The following PCSK6 variants were observed in gnomAD, a reference collection of about 807,000 sequenced individuals.
The protein encoded by PCSK6 is paired basic amino acid cleaving enzyme 4.
Under a neutral mutation model 123.3 loss-of-function variants are expected in PCSK6, and 85 were observed. The observed-to-expected ratio is 0.69, with a 90% CI of 0.58 to 0.83. The LOEUF (loss-of-function observed/expected upper bound fraction) is 0.83, where lower values mean the gene tolerates loss of function less well. Among genes scored for constraint, PCSK6 ranks in the 40% least tolerant of loss-of-function variants. The probability of loss-of-function intolerance (pLI) is 0.00; values close to 1 mark genes in which losing one functional copy is unlikely to be tolerated. For missense variants in PCSK6, 1,191 were observed against 1,282.3 expected, an observed-to-expected ratio of 0.93 and a Z score of 1.09; for synonymous variants, 508 against 516.0, an observed-to-expected ratio of 0.98 and a Z score of 0.21.
intron 1 of PCSK6, among the ~76,000 whole-genome samples, chr15:101,484,742 A>C (rs958560653): frequency 1.2e-4 from 18 of 152,220 alleles, no homozygotes; most frequent in African/African-American, 3.9e-4. Context: ...TTGGACACCT[A>C]CAATTTGCCT....
intron 11 of PCSK6, among the ~76,000 whole-genome samples, chr15:101,379,388 C>T (rs138743168): frequency 2.3e-4 from 35 of 152,336 alleles, no homozygotes; most frequent in East Asian, 1.5e-3. Flanking sequence ...AGAGGACTCC[C>T]GTGCTTAACA....
chr15:101,392,652 C>A (rs1028936420), intron 8 of PCSK6, among the ~76,000 whole-genome samples: 15 of 139,356 alleles, frequency 1.1e-4, no homozygotes, highest in African/African-American at 3.8e-4. Flanking sequence ...ACAAATTCTA[C>A]CTGAGTACTA....
intron 6 of PCSK6, among the ~76,000 whole-genome samples, chr15:101,419,788 G>C (rs937267360): frequency 2.0e-5 from 3 of 152,058 alleles, no homozygotes; most frequent in Non-Finnish European, 2.9e-5. Context: ...TCCATATGGG[G>C]ATCTAGGATG....
intron 6 of PCSK6, among the ~76,000 whole-genome samples, chr15:101,409,314 A>G (rs1457376629): frequency 2.9e-5 from 4 of 136,264 alleles, no homozygotes; most frequent in East Asian, 2.1e-4. Flanking sequence ...GGCCAGGCGC[A>G]GTGGCTCACG....
At chr15:101,408,045 G>A (rs959455501) in intron 6 of PCSK6, among the ~76,000 whole-genome samples, 1 of 152,206 alleles carries the variant, frequency 6.6e-6, no homozygotes, top group Admixed American at 6.5e-5. Flanking sequence ...GAACAGAAGT[G>A]CATGGCCCAG....
intron 1 of PCSK6, among the ~76,000 whole-genome samples, chr15:101,469,906 T>C (rs2057562591): frequency 6.6e-6 from 1 of 152,242 alleles, no homozygotes; most frequent in Non-Finnish European, 1.5e-5. Flanking sequence ...CTCCAAGGCC[T>C]GACGCTGGAA....
intron 14 of PCSK6, 21 bp from the exon 15 acceptor site, chr15:101,331,710 A>T: frequency 6.2e-7 from 1 of 1,601,720 alleles, no homozygotes; most frequent in Non-Finnish European, 8.5e-7. Flanking sequence ...GCAAATTGCC[A>T]TGATTATTAT....
intron 11 of PCSK6, among the ~76,000 whole-genome samples, chr15:101,376,646 A>G (rs2041751998): frequency 1.3e-5 from 2 of 152,186 alleles, no homozygotes; most frequent in Admixed American, 1.3e-4. Flanking sequence ...TCCAAATCCT[A>G]ATTTTAGAAA....
intron 13 of PCSK6, among the ~76,000 whole-genome samples, chr15:101,363,633 A>G (rs970886849): frequency 1.4e-5 from 2 of 143,548 alleles, no homozygotes; most frequent in African/African-American, 5.6e-5. Flanking sequence ...TTGTTATAAC[A>G]CTTTTTTTTT....
At chr15:101,330,165 C>T (rs569701215) in intron 15 of PCSK6, among the ~76,000 whole-genome samples, 3 of 152,356 alleles carry the variant, frequency 2.0e-5, no homozygotes, top group South Asian at 2.1e-4. Flanking sequence ...TTGTGCCCCA[C>T]GCTGCCCACT....
intron 7 of PCSK6, among the ~76,000 whole-genome samples, chr15:101,394,875 C>T (rs2042357874): frequency 6.6e-6 from 1 of 152,202 alleles, no homozygotes; most frequent in South Asian, 2.1e-4. Flanking sequence ...GCTGCCGCGT[C>T]CACTCTGCTT....
chr15:101,307,255 G>C lies in PCSK6; in HGVS notation c.2770C>G (p.Gln924Glu). Residue 924 changes from glutamine (Q) to glutamate (E), a missense_variant, in exon 21 of 22, where the codon CAG becomes GAG. Transcript: ENST00000611716. ...NCSRCKTGFT[Q>E]LGTSCITNHT... The stretch of plus-strand genomic sequence containing the variant: ...TTGGTGATGCAGGAGGTCCCCAGCT[G>C]TGTGAAGCCCGTCTTACACCTGCTA... 1 of 1,613,828 alleles carries C rather than the reference G, an allele frequency of 6.2e-7. No individual in the cohort carries two copies. Among genetic ancestry groups the C allele is most frequent in the Admixed American group, 1.7e-5 (1 of 60,018 alleles).
chr15:101,375,853 G>A (rs908241576), intron 11 of PCSK6, among the ~76,000 whole-genome samples: 2 of 152,122 alleles, frequency 1.3e-5, no homozygotes, highest in African/African-American at 4.8e-5. Flanking sequence ...TGGCCAACAT[G>A]GTGAAAGCCC....
intron 1 of PCSK6, among the ~76,000 whole-genome samples, chr15:101,482,057 C>T (rs940591115): frequency 3.3e-5 from 5 of 152,236 alleles, no homozygotes; most frequent in Admixed American, 6.5e-5. Flanking sequence ...GTGGGGTCTC[C>T]GGAGGTTGCT....
chr15:101,363,363 C>T (rs2041290413), intron 13 of PCSK6, among the ~76,000 whole-genome samples: 1 of 152,104 alleles, frequency 6.6e-6, no homozygotes, highest in South Asian at 2.1e-4. Context: ...AGAGCAGTAG[C>T]CCCAGCCTCC....
chr15:101,330,213 C>T lies in PCSK6; in HGVS notation c.2077+1438G>A, dbSNP rs558834038. Among the ~76,000 whole-genome samples, 75 of 152,346 alleles carry T rather than the reference C, an allele frequency of 4.9e-4. 1 individual carries two copies. The highest frequency in any genetic ancestry group is 4.9e-3 in the Admixed American group (75 of 15,302). ...CTTTCTCCCAGCCAGATGCTCTGGT[C>T]CTCAACCTTCCTCTCCAGGGACCAT... On this transcript the variant is annotated intron_variant, in intron 15 of 21. Transcript: ENST00000611716.
chr15:101,369,702 T>G (rs945797765), intron 12 of PCSK6, among the ~76,000 whole-genome samples: 1 of 152,210 alleles, frequency 6.6e-6, no homozygotes, highest in Non-Finnish European at 1.5e-5. Context: ...CATCAATGTA[T>G]TTCCCCTTGT....
Position 101,389,567 on chromosome 15 carries a change from G to C in PCSK6, c.1210-3C>G, listed in dbSNP as rs2042165936. 1 of 1,607,228 alleles carries C rather than the reference G, an allele frequency of 6.2e-7. No homozygotes were observed. Among genetic ancestry groups the C allele is most frequent in the Non-Finnish European group, 8.5e-7 (1 of 1,174,874 alleles). ...CGCTGACGCAGATCCGTGGTGACCT[G>C]GGGGAGAGAGAAGCACAGTGAGGCA... On this transcript the variant is annotated splice_region_variant and splice_polypyrimidine_tract_variant and intron_variant, in intron 8 of 21. Coordinates refer to ENST00000611716, the MANE Select transcript of PCSK6 (RefSeq NM_002570.5).
intron 13 of PCSK6, among the ~76,000 whole-genome samples, chr15:101,350,877 C>A (rs562667356): frequency 1.3e-5 from 2 of 152,200 alleles, no homozygotes; most frequent in African/African-American, 2.4e-5. Flanking sequence ...ACTGGCTTAA[C>A]GGAACTGATT....
Sources: allele counts gnomAD v4.1 joint callset (sites outside exome capture counted in the v4.1 genomes callset), GRCh38; gene constraint gnomAD v4.1.1; transcripts MANE v1.5; gene names NCBI Gene and HGNC (gene_info 2026-07-23, HGNC 2026-07-21).